The following TACR1 variants were observed in gnomAD, a reference collection of about 807,000 sequenced individuals.
The protein encoded by TACR1 is substance-P receptor.
TACR1 carries 25 observed loss-of-function variants against 35.8 expected under a neutral mutation model. The ratio of observed to expected loss-of-function variants is 0.70; its 90% CI spans 0.51 to 0.98. The LOEUF (loss-of-function observed/expected upper bound fraction) is 0.98, where lower values mean the gene tolerates loss of function less well. TACR1 is among the 50% of genes least tolerant of loss of function. The pLI is 0.00. For synonymous variants in TACR1, 195 were observed against 206.7 expected, an observed-to-expected ratio of 0.94 and a Z score of 0.48; for missense variants, 478 against 522.9, an observed-to-expected ratio of 0.91 and a Z score of 0.84.
intron 1 of TACR1, among the ~76,000 whole-genome samples, chr2:75,124,344 T>C (rs142907978): frequency 6.6e-6 from 1 of 152,352 alleles, no homozygotes; most frequent in Non-Finnish European, 1.5e-5. Context: ...CTTCCTGCTA[T>C]ACCAGTCCCA....
At chr2:75,109,191 G>T (rs1288512776) in intron 2 of TACR1, among the ~76,000 whole-genome samples, 1 of 152,142 alleles carries the variant, frequency 6.6e-6, no homozygotes, top group Non-Finnish European at 1.5e-5. Flanking sequence ...TGTACAATCG[G>T]CATCGCGGTA....
At chr2:75,196,786 C>T (rs1279852823) in intron 1 of TACR1, among the ~76,000 whole-genome samples, 2 of 152,154 alleles carry the variant, frequency 1.3e-5, no homozygotes, top group Non-Finnish European at 2.9e-5. Context: ...CACTGACTGA[C>T]AGGTCTTCCT....
At chr2:75,167,042 T>C (rs1158273943) in intron 1 of TACR1, among the ~76,000 whole-genome samples, 1 of 152,184 alleles carries the variant, frequency 6.6e-6, no homozygotes, top group Non-Finnish European at 1.5e-5. Context: ...AAGACTACAT[T>C]ATGATAATAA....
intron 2 of TACR1, among the ~76,000 whole-genome samples, chr2:75,083,539 TG>T (rs1259905339): frequency 6.6e-6 from 1 of 152,212 alleles, no homozygotes; most frequent in African/African-American, 2.4e-5. Context: ...TTCGTGATAT[TG>T]ATTCTTCCTA....
intron 2 of TACR1, among the ~76,000 whole-genome samples, chr2:75,103,758 T>C (rs750096226): frequency 6.6e-6 from 1 of 152,044 alleles, no homozygotes; most frequent in Non-Finnish European, 1.5e-5. Flanking sequence ...GGAAAAATAA[T>C]AATTTTAGTA....
At chr2:75,131,927 T>G (rs1184997495) in intron 1 of TACR1, among the ~76,000 whole-genome samples, 1 of 152,172 alleles carries the variant, frequency 6.6e-6, no homozygotes, top group African/African-American at 2.4e-5. Context: ...CTCCTACATT[T>G]TTAACTTCTG....
At chr2:75,124,649 T>C (rs1674038626) in intron 1 of TACR1, among the ~76,000 whole-genome samples, 1 of 152,228 alleles carries the variant, frequency 6.6e-6, no homozygotes, top group South Asian at 2.1e-4. Flanking sequence ...GTTGTAATTA[T>C]CAAACTCTAT....
chr2:75,170,834 C>T (rs1675261021), intron 1 of TACR1, among the ~76,000 whole-genome samples: 2 of 152,132 alleles, frequency 1.3e-5, no homozygotes, highest in Admixed American at 1.3e-4. Flanking sequence ...GAAGAAATTT[C>T]TAAGCAGCAA....
Position 75,097,344 on chromosome 2 carries a change from A to G in TACR1, c.584+23230T>C, listed in dbSNP as rs573231360. 2.9e-4 allele frequency among the ~76,000 whole-genome samples: 43 copies of G among 150,326 alleles called. No individual in the cohort carries two copies. The South Asian group carries it at 8.9e-3, about 31-fold the overall frequency. On this transcript the variant is annotated intron_variant, in intron 2 of 4. Coordinates refer to ENST00000305249, the MANE Select transcript of TACR1 (RefSeq NM_001058.4). ...GCTAACATTTCTTTGATCCTTTCCCACTCTGGGTTTTCAGCAACACCATTT... is the reference window on the plus strand; with the variant it reads ...GCTAACATTTCTTTGATCCTTTCCCGCTCTGGGTTTTCAGCAACACCATTT...
intron 2 of TACR1, among the ~76,000 whole-genome samples, chr2:75,092,157 AAGAG>A (rs1673324762): frequency 1.3e-5 from 2 of 152,212 alleles, no homozygotes; most frequent in African/African-American, 4.8e-5. Flanking sequence ...AGGGTGACGT[AAGAG>A]AGGGTTTATA....
At chr2:75,070,609 G>A (rs765175505) in intron 2 of TACR1, among the ~76,000 whole-genome samples, 16 of 152,144 alleles carry the variant, frequency 1.1e-4, no homozygotes, top group Admixed American at 3.3e-4. Context: ...TTCTAGCCAC[G>A]CTTTTATTTT....
intron 1 of TACR1, among the ~76,000 whole-genome samples, chr2:75,142,641 G>T (rs1674431677): frequency 6.6e-6 from 1 of 152,186 alleles, no homozygotes; most frequent in South Asian, 2.1e-4. Context: ...TTTACAGGCT[G>T]TTAGAGAGTA....
In TACR1 at chr2:75,170,358, C is replaced by T. The variant is rs143432061; in HGVS notation, c.389+28188G>A. Among the ~76,000 whole-genome samples the T allele has an allele frequency of 1.4e-3, 208 of 152,332 alleles. 1 individual carries two copies. Among genetic ancestry groups the T allele is most frequent in the African/African-American group, 4.8e-3 (200 of 41,568 alleles). On this transcript the variant is annotated intron_variant, in intron 1 of 4. Transcript: ENST00000305249. ...TTTGTCTTCAGCCAAGATTGTGAGG[C>T]CTCCCTAGCCATGTGGAACTGTGAG...
At chr2:75,195,399 C>T (rs1675944545) in intron 1 of TACR1, among the ~76,000 whole-genome samples, 1 of 126,272 alleles carries the variant, frequency 7.9e-6, no homozygotes, top group African/African-American at 4.3e-5. Flanking sequence ...CCTTCCCTTC[C>T]TTTCCCCCCA....
intron 1 of TACR1, among the ~76,000 whole-genome samples, chr2:75,168,199 C>T (rs772686961): frequency 1.3e-5 from 2 of 152,110 alleles, no homozygotes; most frequent in African/African-American, 4.8e-5. Flanking sequence ...ATTGGTTAAA[C>T]GAGCTATGAC....
intron 1 of TACR1, among the ~76,000 whole-genome samples, chr2:75,174,066 C>T (rs1303878839): frequency 6.6e-6 from 1 of 152,202 alleles, no homozygotes; most frequent in Non-Finnish European, 1.5e-5. Flanking sequence ...AACCCAGGAA[C>T]TTTTCCTGAC....
intron 1 of TACR1, among the ~76,000 whole-genome samples, chr2:75,136,283 A>G (rs1674288285): frequency 6.6e-6 from 1 of 152,026 alleles, no homozygotes; most frequent in South Asian, 2.1e-4. Context: ...AAGGGGCTTG[A>G]CCCTCACTTC....
At chr2:75,152,859 C>G (rs928644489) in intron 1 of TACR1, among the ~76,000 whole-genome samples, 2 of 152,096 alleles carry the variant, frequency 1.3e-5, no homozygotes, top group Non-Finnish European at 2.9e-5. Flanking sequence ...GGATCAAAGG[C>G]TATTAATTCC....
chr2:75,165,342 C>G (rs1260381765), intron 1 of TACR1, among the ~76,000 whole-genome samples: 1 of 152,166 alleles, frequency 6.6e-6, no homozygotes, highest in African/African-American at 2.4e-5. Context: ...CAGAGTCTCG[C>G]TCTGTCACCC....
Sources: allele counts gnomAD v4.1 joint callset (sites outside exome capture counted in the v4.1 genomes callset), GRCh38; gene constraint gnomAD v4.1.1; transcripts MANE v1.5; gene names NCBI Gene and HGNC (gene_info 2026-07-23, HGNC 2026-07-21).